ZNF827: variants seen among roughly 807,000 people sequenced by gnomAD.
The protein encoded by ZNF827 is zinc finger protein 827.
Under a neutral mutation model 102.4 loss-of-function variants are expected in ZNF827, and 13 were observed. That is an observed-to-expected ratio of 0.13 (90% CI 0.08 to 0.20). The LOEUF is 0.20. ZNF827 is among the 10% of genes least tolerant of loss of function. ZNF827 has a pLI of 1.00. For synonymous variants in ZNF827, 523 were observed against 536.2 expected (o/e 0.98, Z 0.34); for missense variants, 1,103 against 1,344.4 (o/e 0.82, Z 2.81).
Position 145,902,487 on chromosome 4 carries a change from T to C in ZNF827, c.772A>G (p.Lys258Glu). ...GTCAAACTTCTTTCACTGACCTTCT[T>C]GGACAAAGCGGCCAAGGTAGAACTG... Reference protein sequence around the residue: ...SASSTLAALSKKVSERSLTPG... With the variant: ...SASSTLAALSEKVSERSLTPG... Residue 258 changes from lysine to glutamate, a missense_variant, in exon 2 of 15, where the codon AAG becomes GAG. Coordinates refer to ENST00000508784, the MANE Select transcript of ZNF827 (RefSeq NM_001306215.2). This position sits in a 1 kb window ranked among gnomAD's most constrained non-coding sequence, Gnocchi z 4.3. The C allele has an allele frequency of 5.0e-6, 8 of 1,614,136 alleles. No individual in the cohort carries two copies. Among genetic ancestry groups the C allele is most frequent in the Non-Finnish European group, 5.9e-6 (7 of 1,180,038 alleles).
intron 1 of ZNF827, chr4:145,907,282 T>C (rs1489952550): frequency 6.6e-6 from 3 of 451,856 alleles, no homozygotes; most frequent in East Asian, 6.9e-5. Context: ...AATGTTGCAG[T>C]GGTCTAGCTA....
chr4:145,905,845 T>A (rs1447790719), intron 1 of ZNF827, among the ~76,000 whole-genome samples: 1 of 152,218 alleles, frequency 6.6e-6, no homozygotes, highest in Non-Finnish European at 1.5e-5. Context: ...TTTTCTTTAA[T>A]CTTTATTATT....
intron 1 of ZNF827, among the ~76,000 whole-genome samples, chr4:145,915,244 T>C (rs1752585576): frequency 6.6e-6 from 1 of 152,110 alleles, no homozygotes; most frequent in African/African-American, 2.4e-5. Flanking sequence ...GGTTGGGCGT[T>C]CAAGACCAGC....
chr4:145,770,893 G>A (rs1736182741), intron 11 of ZNF827: 1 of 152,134 alleles, frequency 6.6e-6, no homozygotes, highest in Non-Finnish European at 1.5e-5. Context: ...AGTTTCCAAG[G>A]AGTTTTACAA....
chr4:145,908,482 T>C (rs1424035103), intron 1 of ZNF827, among the ~76,000 whole-genome samples: 1 of 152,218 alleles, frequency 6.6e-6, no homozygotes, highest in Admixed American at 6.5e-5. Context: ...AAAAATCTTG[T>C]AAGTTTTCCC....
chr4:145,873,819 GA>G (rs1748918149), intron 4 of ZNF827, among the ~76,000 whole-genome samples: 1 of 152,076 alleles, frequency 6.6e-6, no homozygotes, highest in African/African-American at 2.4e-5. Context: ...CATTCTCCCA[GA>G]ACCCTTTATA....
intron 1 of ZNF827, among the ~76,000 whole-genome samples, chr4:145,932,108 T>A (rs931557743): frequency 2.0e-5 from 3 of 152,212 alleles, no homozygotes; most frequent in African/African-American, 7.2e-5. Flanking sequence ...AAGCAGAGAT[T>A]GAGCCCTCAG....
At chr4:145,918,781 T>C (rs948784272) in intron 1 of ZNF827, among the ~76,000 whole-genome samples, 1 of 152,154 alleles carries the variant, frequency 6.6e-6, no homozygotes, top group Non-Finnish European at 1.5e-5. Flanking sequence ...TTCTACATAG[T>C]GGAGCTCTCC....
intron 7 of ZNF827, among the ~76,000 whole-genome samples, chr4:145,836,324 C>A (rs571986355): frequency 5.1e-4 from 77 of 152,178 alleles, no homozygotes; most frequent in African/African-American, 1.6e-3. Context: ...GAGCCAGGAC[C>A]ACACCCTGTA....
chr4:145,816,323 T>G (rs1742590195), intron 8 of ZNF827, among the ~76,000 whole-genome samples: 1 of 152,230 alleles, frequency 6.6e-6, no homozygotes, highest in Non-Finnish European at 1.5e-5. Flanking sequence ...GGCCACACAA[T>G]CACAGTTGTT....
intron 3 of ZNF827, among the ~76,000 whole-genome samples, chr4:145,889,903 G>A (rs1210604608): frequency 2.6e-5 from 4 of 151,718 alleles, no homozygotes; most frequent in African/African-American, 4.8e-5. Context: ...CTTAGAGCCC[G>A]GAGGCGGAGG....
intron 2 of ZNF827, among the ~76,000 whole-genome samples, chr4:145,901,828 G>A (rs912643107): frequency 3.3e-5 from 5 of 151,992 alleles, no homozygotes; most frequent in African/African-American, 1.2e-4. Flanking sequence ...TGCACTCCAT[G>A]ACAAAGATGC....
At position 145,840,007 on chromosome 4, in the gene ZNF827, T is replaced by G. The variant is rs112162003; in HGVS notation, c.2279+5949A>C. Among the ~76,000 whole-genome samples the G allele has an allele frequency of 9.2e-3, 1,400 of 152,046 alleles. 29 individuals carry two copies. The highest frequency in any genetic ancestry group is 0.032 in the African/African-American group (1,341 of 41,448). The stretch of plus-strand genomic sequence containing the variant: ...ATAGATGTCACGAAGGGAGGAAAAA[T>G]GGTAGAGAGCAAATATCTATAGGAC... On this transcript the variant is annotated intron_variant, in intron 7 of 14. Coordinates refer to ENST00000508784, the MANE Select transcript of ZNF827 (RefSeq NM_001306215.2).
chr4:145,857,684 G>A (rs1339168405), intron 5 of ZNF827, among the ~76,000 whole-genome samples: 2 of 152,184 alleles, frequency 1.3e-5, no homozygotes, highest in Non-Finnish European at 2.9e-5. Context: ...TGGGAGCTCA[G>A]AGAGATTAGC....
At chr4:145,894,650 C>T (rs1055480612) in intron 2 of ZNF827, among the ~76,000 whole-genome samples, 2 of 152,168 alleles carry the variant, frequency 1.3e-5, no homozygotes, top group Admixed American at 6.5e-5. Context: ...TCTGGAAATT[C>T]CACTTGTGAT....
In ZNF827 at chr4:145,938,414, C is replaced by T. The variant is rs773935595; in HGVS notation, c.-7G>A. 1.2e-6 allele frequency: 2 copies of T among 1,611,256 alleles called. No individual in the cohort carries two copies. Among genetic ancestry groups the T allele is most frequent in the South Asian group, 2.2e-5 (2 of 90,956 alleles). On this transcript the variant is annotated 5_prime_UTR_variant, in exon 1 of 15. Coordinates refer to ENST00000508784, the MANE Select transcript of ZNF827 (RefSeq NM_001306215.2). Reference sequence around the variant, plus strand: ...CCTGCTTCCTCCTGGGCATTTTCCCCCTTTTCTCACATTCTCCTCCTTGGT... The same window carrying T: ...CCTGCTTCCTCCTGGGCATTTTCCCTCTTTTCTCACATTCTCCTCCTTGGT...
Position 145,877,664 on chromosome 4 carries a change from A to G in ZNF827, c.1748-7186T>C, listed in dbSNP as rs1243774241. Among the ~76,000 whole-genome samples the G allele has an allele frequency of 2.6e-5, 4 of 152,264 alleles. No individual in the cohort carries two copies. The East Asian group carries it at 7.7e-4, about 29-fold the overall frequency. Reference sequence around the variant, plus strand: ...CCTATGATAGCTATGGCCAAAGGGGAAAAACAGCCTCTGCAGAAGGGTCAA... The same window carrying G: ...CCTATGATAGCTATGGCCAAAGGGGGAAAACAGCCTCTGCAGAAGGGTCAA... On this transcript the variant is annotated intron_variant, in intron 4 of 14. Coordinates refer to ENST00000508784, the MANE Select transcript of ZNF827 (RefSeq NM_001306215.2).
chr4:145,825,851 G>C lies in ZNF827; in HGVS notation c.2280-2326C>G, dbSNP rs183517441. ...ACATTCAAAATAATTTTCTACCCTGGATGCCAGCTTTATCCTGCATAGAAA... is the reference window on the plus strand; with the variant it reads ...ACATTCAAAATAATTTTCTACCCTGCATGCCAGCTTTATCCTGCATAGAAA... On this transcript the variant is annotated intron_variant, in intron 7 of 14. Transcript: ENST00000508784. Among the ~76,000 whole-genome samples, 125 of 152,290 alleles carry C rather than the reference G, an allele frequency of 8.2e-4. 1 individual carries two copies. The highest frequency in any genetic ancestry group is 1.3e-3 in the Admixed American group (20 of 15,294).
At chr4:145,875,207 T>C (rs1177541989) in intron 4 of ZNF827, among the ~76,000 whole-genome samples, 1 of 152,216 alleles carries the variant, frequency 6.6e-6, no homozygotes, top group East Asian at 1.9e-4. Flanking sequence ...CGTATACAAC[T>C]AGCTCTTGAG....
Sources: gnomAD v4.1 joint callset for allele counts (sites outside exome capture counted in the v4.1 genomes callset) on GRCh38, gnomAD v4.1.1 for gene constraint, Gnocchi (gnomAD v3.1) non-coding constraint, MANE v1.5 for transcripts, NCBI Gene and HGNC (gene_info 2026-07-23, HGNC 2026-07-21) for gene names.